Variants in ST6GALNAC3 observed in about 807,000 individuals in gnomAD.
ST6GALNAC3 encodes alpha-N-acetylgalactosaminide alpha-2,6-sialyltransferase 3.
In ST6GALNAC3, 25 loss-of-function variants were observed where a neutral mutation model predicts 32.7. The ratio of observed to expected loss-of-function variants is 0.76; its 90% CI spans 0.56 to 1.07. The LOEUF is 1.07. ST6GALNAC3 is among the 50% of genes least tolerant of loss of function. ST6GALNAC3 has a pLI of 0.00. For missense variants in ST6GALNAC3, 355 were observed against 382.4 expected (o/e 0.93, Z 0.60); for synonymous variants, 129 against 133.1 (o/e 0.97, Z 0.21).
chr1:76,465,539 A>G (rs1404483924), intron 3 of ST6GALNAC3, among the ~76,000 whole-genome samples: 1 of 152,146 alleles, frequency 6.6e-6, no homozygotes, highest in Non-Finnish European at 1.5e-5. Flanking sequence ...AAATCATCCA[A>G]CACTATAGCT....
intron 3 of ST6GALNAC3, among the ~76,000 whole-genome samples, chr1:76,620,853 G>A (rs1414472487): frequency 6.6e-6 from 1 of 152,006 alleles, no homozygotes; most frequent in Non-Finnish European, 1.5e-5. Context: ...CCTAAAGATT[G>A]CTATCATCCT....
chr1:76,240,823 CTACCTTAA>C (rs1656918051), intron 1 of ST6GALNAC3, among the ~76,000 whole-genome samples: 1 of 152,174 alleles, frequency 6.6e-6, no homozygotes, highest in Non-Finnish European at 1.5e-5. Flanking sequence ...TCAGTTTATC[CTACCTTAA>C]TACCCATTTT....
intron 3 of ST6GALNAC3, among the ~76,000 whole-genome samples, chr1:76,415,391 G>T (rs1417456090): frequency 6.6e-6 from 1 of 151,102 alleles, no homozygotes; most frequent in Non-Finnish European, 1.5e-5. Context: ...TATTCATTTG[G>T]TTACCATGAG....
intron 1 of ST6GALNAC3, among the ~76,000 whole-genome samples, chr1:76,199,318 G>C (rs1476153930): frequency 1.3e-5 from 2 of 152,226 alleles, no homozygotes; most frequent in African/African-American, 2.4e-5. Flanking sequence ...GCTGAATTCT[G>C]TAGAGGCTTT....
intron 2 of ST6GALNAC3, among the ~76,000 whole-genome samples, chr1:76,374,964 G>T (rs1416837721): frequency 6.6e-6 from 1 of 151,866 alleles, no homozygotes; most frequent in Non-Finnish European, 1.5e-5. Flanking sequence ...CTTTTTCTTG[G>T]TTTTTATAAC....
intron 3 of ST6GALNAC3, among the ~76,000 whole-genome samples, chr1:76,442,992 C>A (rs1211154443): frequency 6.6e-6 from 1 of 152,160 alleles, no homozygotes; most frequent in African/African-American, 2.4e-5. Flanking sequence ...CTTTCTGTAA[C>A]TTCCTTCTGT....
Position 76,107,376 on chromosome 1 carries a change from TG to T in ST6GALNAC3, c.18+32494del, listed in dbSNP as rs1647609397. The stretch of plus-strand genomic sequence containing the variant: ...TTATCCTCATTTCACTGAGAAGGAA[TG>T]GTGGCTCTGAAGAGTTAAATAACTT... On this transcript the variant is annotated intron_variant, in intron 1 of 4. Coordinates refer to ENST00000328299, the MANE Select transcript of ST6GALNAC3 (RefSeq NM_152996.4). Among the ~76,000 whole-genome samples, 3 of 151,690 alleles carry T rather than the reference TG, an allele frequency of 2.0e-5. 1 individual carries two copies. The South Asian group carries it at 6.3e-4, about 32-fold the overall frequency.
Position 76,630,182 on chromosome 1 carries a change from A to T in ST6GALNAC3, c.*1376A>T. 1.0e-6 allele frequency: 1 copy of T among 985,192 alleles called. No homozygotes were observed. The highest frequency in any genetic ancestry group is 4.7e-5 in the South Asian group (1 of 21,276). The allele number at this position is 985,192 out of a possible 1,614,324, so 61.0% of individuals were successfully genotyped here. ...CTTGCTAATATTTGTATAGAATAGA[A>T]TTTATGTAAACTAGTAACCAGTTGA... On this transcript the variant is annotated 3_prime_UTR_variant, in exon 5 of 5. Transcript: ENST00000328299.
At chr1:76,177,545 G>A (rs1202144059) in intron 1 of ST6GALNAC3, among the ~76,000 whole-genome samples, 2 of 152,072 alleles carry the variant, frequency 1.3e-5, no homozygotes, top group Non-Finnish European at 2.9e-5. Flanking sequence ...ATGCAACTGC[G>A]CAGGAGAAGA....
At chr1:76,470,953 A>G (rs1187764617) in intron 3 of ST6GALNAC3, among the ~76,000 whole-genome samples, 5 of 152,120 alleles carry the variant, frequency 3.3e-5, no homozygotes, top group Non-Finnish European at 5.9e-5. Flanking sequence ...AAAGACAAAC[A>G]TGACTTGATC....
intron 2 of ST6GALNAC3, among the ~76,000 whole-genome samples, chr1:76,326,841 T>TC (rs1170720075): frequency 2.6e-5 from 4 of 151,202 alleles, no homozygotes; most frequent in African/African-American, 9.7e-5. Context: ...TTTTTTTTTT[T>TC]TTGCATTGTT....
intron 1 of ST6GALNAC3, among the ~76,000 whole-genome samples, chr1:76,204,436 A>G (rs1654707849): frequency 6.6e-6 from 1 of 152,212 alleles, no homozygotes; most frequent in South Asian, 2.1e-4. Context: ...ATTGAGAACT[A>G]GATAGATCAT....
chr1:76,111,177 G>A (rs1647903978), intron 1 of ST6GALNAC3, among the ~76,000 whole-genome samples: 1 of 152,064 alleles, frequency 6.6e-6, no homozygotes, highest in Non-Finnish European at 1.5e-5. Context: ...CTCAAAAATG[G>A]TTTTTGAGTG....
At chr1:76,088,049 T>C (rs1411201331) in intron 1 of ST6GALNAC3, among the ~76,000 whole-genome samples, 1 of 152,256 alleles carries the variant, frequency 6.6e-6, no homozygotes, top group African/African-American at 2.4e-5. Flanking sequence ...ATAATTGTTA[T>C]TGTTATTAGC....
In ST6GALNAC3 at chr1:76,453,246, T is replaced by C. The variant is rs11162153; in HGVS notation, c.623+40829T>C. Among the ~76,000 whole-genome samples the C allele has an allele frequency of 7.0e-3, 1,058 of 152,128 alleles. 9 individuals carry two copies. The highest frequency in any genetic ancestry group is 0.021 in the South Asian group (100 of 4,818). ...AAATAACCAGGTTTTGTCTCATTTA[T>C]CTTTTGTATTTTTTTTGTTTCAATT... On this transcript the variant is annotated intron_variant, in intron 3 of 4. Coordinates refer to ENST00000328299, the MANE Select transcript of ST6GALNAC3 (RefSeq NM_152996.4).
chr1:76,391,180 T>G (rs934825740), intron 2 of ST6GALNAC3, among the ~76,000 whole-genome samples: 1 of 152,088 alleles, frequency 6.6e-6, no homozygotes, highest in African/African-American at 2.4e-5. Flanking sequence ...GACCTCGTGA[T>G]CCGCCCATCT....
At chr1:76,236,469 A>G (rs2100653141) in intron 1 of ST6GALNAC3, among the ~76,000 whole-genome samples, 1 of 152,328 alleles carries the variant, frequency 6.6e-6, no homozygotes, top group South Asian at 2.1e-4. Flanking sequence ...GTCTTAAAGG[A>G]TAACAACATA....
intron 1 of ST6GALNAC3, among the ~76,000 whole-genome samples, chr1:76,223,737 A>G (rs1196640069): frequency 3.3e-5 from 5 of 152,034 alleles, no homozygotes; most frequent in African/African-American, 4.8e-5. Flanking sequence ...CTGTCTTCCT[A>G]TTATACTAAT....
intron 1 of ST6GALNAC3, among the ~76,000 whole-genome samples, chr1:76,196,389 A>G (rs1654203379): frequency 6.6e-6 from 1 of 152,182 alleles, no homozygotes; most frequent in Non-Finnish European, 1.5e-5. Flanking sequence ...AAACTGAATC[A>G]CAGGAATTCA....
Sources: gnomAD v4.1 joint callset for allele counts (sites outside exome capture counted in the v4.1 genomes callset) on GRCh38, gnomAD v4.1.1 for gene constraint, MANE v1.5 for transcripts, NCBI Gene and HGNC (gene_info 2026-07-23, HGNC 2026-07-21) for gene names.